NPY2R: variants seen among roughly 807,000 people sequenced by gnomAD.
NPY2R encodes the protein neuropeptide Y receptor type 2.
In NPY2R, 17 loss-of-function variants were observed where a neutral mutation model predicts 22.3. The observed-to-expected ratio is 0.76, with a 90% CI of 0.52 to 1.14. NPY2R has a LOEUF of 1.14. Among genes scored for constraint, NPY2R ranks in the 50% most tolerant of loss-of-function variants. The pLI, the probability that NPY2R is intolerant of heterozygous loss-of-function variation, is 0.00. For missense variants in NPY2R, 424 were observed against 467.9 expected, an observed-to-expected ratio of 0.91 and a Z score of 0.87; for synonymous variants, 209 against 183.4, an observed-to-expected ratio of 1.14 and a Z score of -1.13.
chr4:155,178,845 C>T, the NPY2R span, among the ~76,000 whole-genome samples: 2 of 152,170 alleles, frequency 1.3e-5, no homozygotes, highest in African/African-American at 4.8e-5. Flanking sequence ...TCTTCAAGTA[C>T]TTTTGCTGTT....
the NPY2R span, among the ~76,000 whole-genome samples, chr4:155,178,751 C>T: frequency 6.6e-6 from 1 of 152,130 alleles, no homozygotes; most frequent in Non-Finnish European, 1.5e-5. Context: ...TGAAGTCCCC[C>T]TTTGTCTATG....
chr4:155,210,967 G>A (rs56186886), intron 1 of NPY2R, among the ~76,000 whole-genome samples: 9,895 of 135,476 alleles, frequency 0.073, 387 homozygotes, highest in Middle Eastern at 0.13. Flanking sequence ...AATTTAACAG[G>A]GTCTCAGGAC....
chr4:155,204,780 G>T (rs1206451378), upstream of NPY2R, among the ~76,000 whole-genome samples: 1 of 149,404 alleles, frequency 6.7e-6, no homozygotes, highest in Non-Finnish European at 1.5e-5. Flanking sequence ...GCTGATGATG[G>T]TCATGCTGGA....
Position 155,214,643 on chromosome 4 carries a change from T to C in NPY2R, c.704T>C (p.Ile235Thr). Residue 235 changes from isoleucine (I) to threonine (T), a missense_variant, in exon 2 of 2, where the codon ATA becomes ACA. By Grantham distance (89) the Ile-to-Thr change is moderately conservative. Coordinates refer to ENST00000329476, the MANE Select transcript of NPY2R (RefSeq NM_000910.4). The part of the protein sequence containing the change: ...LILYVLPLGI[I>T]SFSYTRIWSK... ...TTGTATGTTTTGCCTCTGGGCATTA[T>C]ATCATTTTCCTACACTCGCATTTGG... The C allele has an allele frequency of 1.2e-6, 2 of 1,614,222 alleles. No individual in the cohort carries two copies. Among genetic ancestry groups the C allele is most frequent in the Non-Finnish European group, 1.7e-6 (2 of 1,180,024 alleles).
the NPY2R span, among the ~76,000 whole-genome samples, chr4:155,181,404 A>G: frequency 1.3e-5 from 2 of 152,208 alleles, no homozygotes; most frequent in African/African-American, 4.8e-5. Context: ...ACGTTGGAAT[A>G]CATATAGAAT....
the NPY2R span, among the ~76,000 whole-genome samples, chr4:155,177,901 A>G: frequency 6.6e-6 from 1 of 152,244 alleles, no homozygotes. Flanking sequence ...AAGTTTCACC[A>G]TAAATTTTGG....
At chr4:155,173,886 AT>A in the NPY2R span, 1 of 152,014 alleles carries the variant, frequency 6.6e-6, no homozygotes, top group Non-Finnish European at 1.5e-5. Flanking sequence ...TAAAAGAAAG[AT>A]TTTATTTCTC....
chr4:155,182,853 C>T, the NPY2R span, among the ~76,000 whole-genome samples: 35 of 152,080 alleles, frequency 2.3e-4, no homozygotes, highest in African/African-American at 7.2e-4. Flanking sequence ...AGTGCAGTGG[C>T]GCGATCTTGG....
At chr4:155,190,783 G>A in the NPY2R span, among the ~76,000 whole-genome samples, 7,182 of 151,862 alleles carry the variant, frequency 0.047, 542 homozygotes, top group African/African-American at 0.16. Flanking sequence ...GTCTATATTC[G>A]TCAAATGAAA....
intron 1 of NPY2R, among the ~76,000 whole-genome samples, chr4:155,213,230 A>G (rs1048606583): frequency 6.6e-5 from 10 of 152,194 alleles, no homozygotes; most frequent in South Asian, 2.1e-4. Flanking sequence ...TTTTACTACC[A>G]TACAATCCAT....
the NPY2R span, among the ~76,000 whole-genome samples, chr4:155,185,165 G>T: frequency 6.6e-6 from 1 of 150,954 alleles, no homozygotes. Flanking sequence ...TCAGCCTCCC[G>T]AGTAGATGGG....
At chr4:155,182,101 T>C in the NPY2R span, among the ~76,000 whole-genome samples, 1 of 152,176 alleles carries the variant, frequency 6.6e-6, no homozygotes, top group African/African-American at 2.4e-5. Flanking sequence ...TAATTAATCA[T>C]GGGCTCCTCA....
In NPY2R at chr4:155,217,067, G is replaced by A. The variant is rs1353557047; in HGVS notation, c.*1982G>A. On this transcript the variant is annotated 3_prime_UTR_variant, in exon 2 of 2. Coordinates refer to ENST00000329476, the MANE Select transcript of NPY2R (RefSeq NM_000910.4). Reference sequence around the variant, plus strand: ...GGCTTTATGTTGCAATTAAAAAGTTGGGAAAATGAGAGAAATTGTGTGGAA... The same window carrying A: ...GGCTTTATGTTGCAATTAAAAAGTTAGGAAAATGAGAGAAATTGTGTGGAA... The A allele has an allele frequency of 6.1e-6, 1 of 164,686 alleles. No homozygotes were observed. Among genetic ancestry groups the A allele is most frequent in the Non-Finnish European group, 1.5e-5 (1 of 68,082 alleles). The allele number at this position is 164,686 out of a possible 1,614,324, so 10.2% of individuals were successfully genotyped here.
the NPY2R span, among the ~76,000 whole-genome samples, chr4:155,200,239 T>A: frequency 5.9e-5 from 9 of 151,774 alleles, no homozygotes; most frequent in African/African-American, 2.2e-4. Context: ...TCAACAAACA[T>A]ATGGGGAAAA....
chr4:155,195,949 A>C, the NPY2R span, among the ~76,000 whole-genome samples: 2 of 152,074 alleles, frequency 1.3e-5, no homozygotes, highest in Non-Finnish European at 2.9e-5. Flanking sequence ...ATGATAAGGA[A>C]AGTGTAGAAT....
At chr4:155,198,771 T>A in the NPY2R span, among the ~76,000 whole-genome samples, 3 of 151,662 alleles carry the variant, frequency 2.0e-5, no homozygotes, top group Non-Finnish European at 4.4e-5. Flanking sequence ...GAACCACATG[T>A]TCAAGACATT....
At chr4:155,196,820 C>T in the NPY2R span, among the ~76,000 whole-genome samples, 9 of 151,862 alleles carry the variant, frequency 5.9e-5, no homozygotes, top group South Asian at 2.1e-4. Flanking sequence ...AAAGCACCTC[C>T]GGTGATTCTA....
At chr4:155,191,849 T>A in the NPY2R span, among the ~76,000 whole-genome samples, 1 of 151,890 alleles carries the variant, frequency 6.6e-6, no homozygotes, top group Non-Finnish European at 1.5e-5. Flanking sequence ...TCACTCTTAC[T>A]TCAGGGACTG....
At position 155,214,609 on chromosome 4, in the gene NPY2R, T is replaced by C. The variant is rs1187215123; in HGVS notation, c.670T>C (p.Leu224=). 1.2e-6 allele frequency: 2 copies of C among 1,614,224 alleles called. No homozygotes were observed. Among genetic ancestry groups the C allele is most frequent in the South Asian group, 1.1e-5 (1 of 91,088 alleles). Residue 224 remains leucine, a synonymous_variant, in exon 2 of 2, where the codon TTG becomes CTG. Transcript: ENST00000329476. ...TGGCACTGTCTATAGTCTTTCTTCC[T>C]TGTTGATCTTGTATGTTTTGCCTCT... The part of the protein sequence containing the change: ...IYGTVYSLSS[L]LILYVLPLGI...
Sources: gnomAD v4.1 joint callset for allele counts (sites outside exome capture counted in the v4.1 genomes callset) on GRCh38, gnomAD v4.1.1 for gene constraint, MANE v1.5 for transcripts, NCBI Gene and HGNC (gene_info 2026-07-23, HGNC 2026-07-21) for gene names.